The following XPO7 variants were observed in gnomAD, a reference collection of about 807,000 sequenced individuals.
XPO7 encodes exportin-7.
XPO7 carries 21 observed loss-of-function variants against 144.3 expected under a neutral mutation model. The observed-to-expected ratio is 0.15, with a 90% confidence interval of 0.10 to 0.21. The LOEUF is 0.21. Among genes scored for constraint, XPO7 ranks in the 10% least tolerant of loss-of-function variants. The pLI is 1.00. For synonymous variants in XPO7, 580 were observed against 499.6 expected, an observed-to-expected ratio of 1.16 and a Z score of -2.15; for missense variants, 808 against 1,325.8, an observed-to-expected ratio of 0.61 and a Z score of 6.06.
At chr8:21,982,025 G>A in intron 10 of XPO7, 148 bp downstream of exon 10, 1 of 1,034,898 alleles carries the variant, frequency 9.7e-7, no homozygotes, top group Non-Finnish European at 1.4e-6. Flanking sequence ...ATTGTGGCCT[G>A]TGATTTACAT....
At chr8:21,970,393 A>C (rs527755533) in intron 4 of XPO7, 83 bp downstream of exon 4, 199 of 824,312 alleles carry the variant, frequency 2.4e-4, no homozygotes, top group Admixed American at 9.7e-4. Flanking sequence ...CACACACACA[A>C]CTTAACACGC....
chr8:21,976,524 A>T lies in XPO7; in HGVS notation c.763+3A>T. The stretch of plus-strand genomic sequence containing the variant: ...GATTCCCACCAGCTGGAGATCAGGT[A>T]ACAGAACTTCCTCCACCTCAAAGGC... On this transcript the variant is annotated splice_donor_region_variant and intron_variant, in intron 7 of 27. Coordinates refer to ENST00000252512, the MANE Select transcript of XPO7 (RefSeq NM_015024.5). The T allele has an allele frequency of 6.2e-7, 1 of 1,609,366 alleles. No individual in the cohort carries two copies. The highest frequency in any genetic ancestry group is 8.5e-7 in the Non-Finnish European group (1 of 1,177,268).
intron 1 of XPO7, chr8:21,966,238 G>C (rs1040662961): frequency 2.6e-6 from 2 of 772,182 alleles, no homozygotes; most frequent in African/African-American, 3.4e-5. Flanking sequence ...TTTTAAATTT[G>C]GAACCAAAGT....
chr8:21,981,790 T>C lies in XPO7; in HGVS notation c.1017T>C (p.Ser339=), dbSNP rs1812418163. 4.3e-6 allele frequency: 7 copies of C among 1,613,718 alleles called. No homozygotes were observed. The highest frequency in any genetic ancestry group is 5.9e-6 in the Non-Finnish European group (7 of 1,179,872). Reference sequence around the variant, plus strand: ...GCAGACTACTGGCCCGATTGAAGAGTAACTATCAACTGGGAGAATTGGTAA... The same window carrying C: ...GCAGACTACTGGCCCGATTGAAGAGCAACTATCAACTGGGAGAATTGGTAA... ...EFCRLLARLK[S]NYQLGELVKV... The change falls in exon 10 of 28, where the codon AGT becomes AGC. Residue 339 remains serine (S), a synonymous_variant. Transcript: ENST00000252512.
At chr8:21,998,941 A>G (rs1813043596) in intron 22 of XPO7, 104 bp downstream of exon 22, 5 of 1,469,068 alleles carry the variant, frequency 3.4e-6, no homozygotes, top group Middle Eastern at 1.7e-4. Flanking sequence ...GAGCCAGGAC[A>G]GCATTCGTAT....
intron 1 of XPO7, among the ~76,000 whole-genome samples, chr8:21,948,794 A>C (rs1811274024): frequency 6.6e-6 from 1 of 152,208 alleles, no homozygotes. Flanking sequence ...GAATTCATTT[A>C]ACATTTTACA....
At chr8:21,931,754 C>G in intron 1 of XPO7, among the ~76,000 whole-genome samples, 1 of 152,174 alleles carries the variant, frequency 6.6e-6, no homozygotes, top group East Asian at 1.9e-4. Context: ...TTTTGTCTCT[C>G]CATCCCATGT....
At chr8:21,965,594 G>T (rs1811856808) in intron 1 of XPO7, among the ~76,000 whole-genome samples, 1 of 152,170 alleles carries the variant, frequency 6.6e-6, no homozygotes, top group East Asian at 1.9e-4. Context: ...TCTTTTGGGG[G>T]CTGTCTGAAG....
chr8:21,975,930 C>T (rs749353949), intron 6 of XPO7, among the ~76,000 whole-genome samples: 4 of 152,094 alleles, frequency 2.6e-5, no homozygotes, highest in South Asian at 2.1e-4. Flanking sequence ...GTTGTAAAAA[C>T]GAGGAAAGAA....
chr8:21,940,832 G>T, intron 1 of XPO7, among the ~76,000 whole-genome samples: 1 of 152,086 alleles, frequency 6.6e-6, no homozygotes, highest in Non-Finnish European at 1.5e-5. Flanking sequence ...ATGTAATCTT[G>T]CCATAGGCGG....
At chr8:21,964,775 A>G (rs1428342084) in intron 1 of XPO7, among the ~76,000 whole-genome samples, 1 of 152,274 alleles carries the variant, frequency 6.6e-6, no homozygotes, top group Non-Finnish European at 1.5e-5. Flanking sequence ...CAAAACAACA[A>G]CAAAAAGCCT....
chr8:21,976,633 A>C, intron 7 of XPO7, 112 bp downstream of exon 7: 2 of 1,244,960 alleles, frequency 1.6e-6, no homozygotes, highest in Non-Finnish European at 2.2e-6. Flanking sequence ...GAGAATTGAG[A>C]AAAAATTCTA....
chr8:21,943,318 T>C (rs575337730), intron 1 of XPO7, among the ~76,000 whole-genome samples: 1 of 152,360 alleles, frequency 6.6e-6, no homozygotes, highest in South Asian at 2.1e-4. Flanking sequence ...TGATATTTTA[T>C]GGCAGTTCCT....
intron 1 of XPO7, among the ~76,000 whole-genome samples, chr8:21,962,324 C>T (rs62492116): frequency 2.2e-4 from 34 of 151,996 alleles, no homozygotes; most frequent in Middle Eastern, 6.8e-3. Flanking sequence ...CTTTTCAGGC[C>T]GCTAAAACTA....
chr8:22,002,064 A>G, intron 24 of XPO7, 48 bp from the exon 25 acceptor site: 3 of 1,555,050 alleles, frequency 1.9e-6, no homozygotes, highest in East Asian at 2.4e-5. Flanking sequence ...ATATTTGTCC[A>G]GGCCACCATC....
chr8:21,948,382 C>T (rs1394882537), intron 1 of XPO7, among the ~76,000 whole-genome samples: 6 of 152,204 alleles, frequency 3.9e-5, no homozygotes, highest in East Asian at 3.9e-4. Context: ...AGTACAGTAA[C>T]GTGGTACAGG....
intron 9 of XPO7, among the ~76,000 whole-genome samples, chr8:21,980,999 C>T (rs1021674173): frequency 6.6e-5 from 10 of 151,830 alleles, no homozygotes; most frequent in African/African-American, 2.2e-4. Context: ...AATTAAAAAG[C>T]AGTTTATTTC....
intron 1 of XPO7, among the ~76,000 whole-genome samples, chr8:21,936,173 C>G (rs1810815980): frequency 6.6e-6 from 1 of 152,118 alleles, no homozygotes; most frequent in African/African-American, 2.4e-5. Context: ...ACTCTTGAAC[C>G]TACTGAATCA....
chr8:21,958,787 C>G (rs570582123), intron 1 of XPO7, among the ~76,000 whole-genome samples: 2 of 151,844 alleles, frequency 1.3e-5, no homozygotes, highest in African/African-American at 2.4e-5. Context: ...TGGGGAAAAC[C>G]CCATCTCTAC....
Sources: gnomAD v4.1 joint callset for allele counts (sites outside exome capture counted in the v4.1 genomes callset) on GRCh38, gnomAD v4.1.1 for gene constraint, MANE v1.5 for transcripts, NCBI Gene and HGNC (gene_info 2026-07-23, HGNC 2026-07-21) for gene names.